Variants in TAF3 observed in about 807,000 individuals in gnomAD.
The protein encoded by TAF3 is transcription initiation factor TFIID subunit 3.
TAF3 carries 7 observed loss-of-function variants against 80.6 expected under a neutral mutation model. The ratio of observed to expected loss-of-function variants is 0.09; its 90% CI spans 0.05 to 0.16. TAF3 has a LOEUF of 0.16. TAF3 is among the 10% of genes least tolerant of loss of function. The pLI is 1.00. For synonymous variants in TAF3, 444 were observed against 446.1 expected (o/e 1.00, Z 0.06); for missense variants, 921 against 1,140.2 (o/e 0.81, Z 2.77).
At chr10:8,005,159 A>AT (rs1014087965) in intron 4 of TAF3, among the ~76,000 whole-genome samples, 5 of 152,008 alleles carry the variant, frequency 3.3e-5, no homozygotes, top group African/African-American at 9.6e-5. Flanking sequence ...GCCTTTTATT[A>AT]TTTTTTTAAC....
chr10:7,932,927 G>A (rs1837882525), intron 2 of TAF3, among the ~76,000 whole-genome samples: 1 of 151,778 alleles, frequency 6.6e-6, no homozygotes, highest in African/African-American at 2.4e-5. Context: ...TGATCCTCCC[G>A]CCTTGGCCTC....
At chr10:7,940,942 G>A (rs1837970220) in intron 2 of TAF3, among the ~76,000 whole-genome samples, 1 of 150,810 alleles carries the variant, frequency 6.6e-6, no homozygotes, top group Non-Finnish European at 1.5e-5. Flanking sequence ...CTGGAAGACA[G>A]AGCAAGACCC....
chr10:8,003,951 T>TA (rs1004228809), intron 4 of TAF3, among the ~76,000 whole-genome samples: 29 of 151,700 alleles, frequency 1.9e-4, no homozygotes, highest in Middle Eastern at 3.4e-3. Context: ...GTTATTTTCA[T>TA]AAAAAAAAAT....
chr10:7,936,170 T>A (rs1837918177), intron 2 of TAF3, among the ~76,000 whole-genome samples: 2 of 152,174 alleles, frequency 1.3e-5, no homozygotes, highest in Non-Finnish European at 1.5e-5. Flanking sequence ...AGACAGAGCA[T>A]TAGCTGTGTG....
rs779441787 is a variant in TAF3, at chr10:7,977,259, G to A, written c.2251G>A (p.Ala751Thr). ...KHEKIKVEPV[A>T]LAPSPVIPRL... is the part of the protein sequence containing the mutation. ...TCCACAGATAAAAGTGGAACCAGTC[G>A]CTCTGGCCCCGAGTCCAGTTATCCC... Residue 751 changes from alanine (A) to threonine (T), a missense_variant, in exon 4 of 7, where the codon GCT (alanine) becomes ACT (threonine). Ala to Thr is a moderately conservative substitution (Grantham distance 58). This residue lies in a region of TAF3 where 743 missense variants were observed against 821.0 expected (regional missense o/e 0.90). Transcript: ENST00000344293. The A allele has an allele frequency of 1.2e-5, 20 of 1,613,998 alleles. No homozygotes were observed. The highest frequency in any genetic ancestry group is 2.2e-5 in the East Asian group (1 of 44,892).
Position 8,013,955 on chromosome 10 carries a change from C to T in TAF3, c.2675+118C>T. On this transcript the variant is annotated intron_variant, in intron 6 of 6. Coordinates refer to ENST00000344293, the MANE Select transcript of TAF3 (RefSeq NM_031923.4). The stretch of plus-strand genomic sequence containing the variant: ...GACTGACCCAGGGCTGTCCTAGGGA[C>T]AGTACATGGAGTCAAATCACTGAGC... 2 of 799,114 alleles carry T rather than the reference C, an allele frequency of 2.5e-6. 1 individual carries two copies. The highest frequency in any genetic ancestry group is 3.1e-5 in the South Asian group (2 of 63,572). The allele number at this position is 799,114 out of a possible 1,614,324, so 49.5% of individuals were successfully genotyped here.
intron 2 of TAF3, among the ~76,000 whole-genome samples, chr10:7,824,952 G>A (rs1441908468): frequency 6.6e-6 from 1 of 152,202 alleles, no homozygotes; most frequent in East Asian, 1.9e-4. Context: ...TGAATGCCAT[G>A]GCTTTATACT....
chr10:7,846,209 G>A lies in TAF3; in HGVS notation c.409+21649G>A, dbSNP rs1449914359. On this transcript the variant is annotated intron_variant, in intron 2 of 6. Transcript: ENST00000344293. Reference sequence around the variant, plus strand: ...CCTGACCTCGTGATCTGCCCGCCTTGGCCTCCCGAAGTGCTGGCATTACAG... The same window carrying A: ...CCTGACCTCGTGATCTGCCCGCCTTAGCCTCCCGAAGTGCTGGCATTACAG... Among the ~76,000 whole-genome samples the A allele has an allele frequency of 3.3e-5, 5 of 152,046 alleles. No individual in the cohort carries two copies. The South Asian group carries it at 6.2e-4, about 19-fold the overall frequency.
intron 2 of TAF3, among the ~76,000 whole-genome samples, chr10:7,892,188 A>G (rs1033352707): frequency 6.6e-6 from 1 of 152,174 alleles, no homozygotes; most frequent in South Asian, 2.1e-4. Context: ...AAGAGTTTCA[A>G]ATTTTCTATG....
chr10:7,988,045 ATAT>A (rs1184373645), intron 4 of TAF3, among the ~76,000 whole-genome samples: 2 of 152,202 alleles, frequency 1.3e-5, no homozygotes, highest in Non-Finnish European at 2.9e-5. Context: ...AACCTGGGAA[ATAT>A]TATGAATTTA....
chr10:7,965,017 G>A lies in TAF3; in HGVS notation c.1507G>A (p.Glu503Lys). 1.9e-6 allele frequency: 3 copies of A among 1,613,858 alleles called. No homozygotes were observed. The highest frequency in any genetic ancestry group is 1.1e-5 in the South Asian group (1 of 91,048). ...SSPSVSPPTP[E>K]PLHKVYEEKT... ...TCCGTCAGTGTCTCCTCCCACTCCC[G>A]AACCTCTCCACAAGGTGTATGAGGA... Residue 503 changes from glutamate to lysine, a missense_variant, in exon 3 of 7, where the codon GAA (glutamate) becomes AAA (lysine). Physicochemically the swap from Glu to Lys is moderately conservative, Grantham distance 56. Transcript: ENST00000344293.
intron 4 of TAF3, among the ~76,000 whole-genome samples, chr10:7,981,990 G>A (rs985505175): frequency 2.0e-5 from 3 of 152,064 alleles, no homozygotes; most frequent in Non-Finnish European, 4.4e-5. Context: ...ATAATCATGG[G>A]CAGTTACAAA....
intron 2 of TAF3, among the ~76,000 whole-genome samples, chr10:7,833,439 A>G (rs1483143282): frequency 1.3e-5 from 2 of 152,146 alleles, no homozygotes; most frequent in East Asian, 3.8e-4. Flanking sequence ...TTATTTCTGT[A>G]ATGATTAGTA....
intron 1 of TAF3, among the ~76,000 whole-genome samples, chr10:7,819,198 C>T (rs1393334863): frequency 6.6e-6 from 1 of 152,032 alleles, no homozygotes; most frequent in Non-Finnish European, 1.5e-5. Context: ...GCGGGTAGAT[C>T]CACCCCCAGC....
At position 7,964,424 on chromosome 10, in the gene TAF3, T is replaced by C; in HGVS notation, c.914T>C (p.Val305Ala). 1 of 1,613,938 alleles carries C rather than the reference T, an allele frequency of 6.2e-7. No homozygotes were observed. ...VGSPIRSPKT[V>A]SKEKKSPGRS... is the part of the protein sequence containing the mutation. ...AGTCCTATTCGATCACCAAAAACTG[T>C]ATCCAAAGAAAAGAAATCACCTGGA... The change falls in exon 3 of 7, where the codon GTA becomes GCA. Residue 305 changes from valine (V) to alanine (A), a missense_variant. By Grantham distance (64) the Val-to-Ala change is moderately conservative. Coordinates refer to ENST00000344293, the MANE Select transcript of TAF3 (RefSeq NM_031923.4). This position sits in a 1 kb window ranked among gnomAD's most constrained non-coding sequence, Gnocchi z 4.1.
At chr10:7,954,419 C>CA (rs1467668918) in intron 2 of TAF3, among the ~76,000 whole-genome samples, 19 of 97,632 alleles carry the variant, frequency 1.9e-4, no homozygotes, top group African/African-American at 2.4e-4. Context: ...CTAGTTAACA[C>CA]GAGCTCTCCA....
At chr10:7,896,121 G>A (rs1210728456) in intron 2 of TAF3, among the ~76,000 whole-genome samples, 1 of 152,158 alleles carries the variant, frequency 6.6e-6, no homozygotes, top group African/African-American at 2.4e-5. Flanking sequence ...CTGGGCCTCA[G>A]TTTACCAAGC....
chr10:7,981,135 T>C (rs1333996275), intron 4 of TAF3, among the ~76,000 whole-genome samples: 2 of 152,226 alleles, frequency 1.3e-5, no homozygotes, highest in South Asian at 2.1e-4. Context: ...TAACAAAAAA[T>C]ACAAATTTGC....
chr10:7,898,545 CAAAAAAA>C (rs35137273), intron 2 of TAF3, among the ~76,000 whole-genome samples: 20 of 96,188 alleles, frequency 2.1e-4, no homozygotes, highest in South Asian at 1.7e-3. Flanking sequence ...GACTCTGTCT[CAAAAAAA>C]AAAAAAAAAA....
Sources: gnomAD v4.1 joint callset for allele counts (sites outside exome capture counted in the v4.1 genomes callset) on GRCh38, gnomAD v4.1.1 for gene constraint, gnomAD v4.1.1 regional missense constraint, Gnocchi (gnomAD v3.1) non-coding constraint, MANE v1.5 for transcripts, NCBI Gene and HGNC (gene_info 2026-07-23, HGNC 2026-07-21) for gene names.